DUOX2: variants seen among roughly 807,000 people sequenced by gnomAD.
DUOX2 encodes the protein NADH/NADPH thyroid oxidase p138-tox.
A neutral mutation model predicts 183.3 loss-of-function variants in DUOX2; 185 were observed. That is an observed-to-expected ratio of 1.01 (90% CI 0.90 to 1.14). The LOEUF is 1.14. Ranked by LOEUF, DUOX2 falls within the 50% of genes most tolerant of loss-of-function variation. DUOX2 has a pLI of 0.00. For missense variants in DUOX2, 1,999 were observed against 2,022.9 expected, an observed-to-expected ratio of 0.99 and a Z score of 0.23; for synonymous variants, 788 against 812.4, an observed-to-expected ratio of 0.97 and a Z score of 0.51.
At chr15:45,095,667 G>T in intron 30 of DUOX2, 72 bp from the exon 31 acceptor site, 3 of 1,605,152 alleles carry the variant, frequency 1.9e-6, no homozygotes, top group Non-Finnish European at 2.6e-6. Flanking sequence ...GGAGACACAG[G>T]CAGAGGGAGG....
intron 3 of DUOX2, 37 bp downstream of exon 3, chr15:45,112,950 G>A (rs1331505680): frequency 6.2e-7 from 1 of 1,607,766 alleles, no homozygotes; most frequent in African/African-American, 1.3e-5. Flanking sequence ...CCCTTCGCGA[G>A]CCACGGCCCC....
chr15:45,105,945 G>T (rs1894200894), intron 17 of DUOX2, 117 bp from the exon 18 acceptor site: 3 of 1,457,182 alleles, frequency 2.1e-6, no homozygotes, highest in East Asian at 2.4e-5. Context: ...ATCCATCCAG[G>T]CTGGGGCCAG....
chr15:45,112,263 C>G lies in DUOX2; in HGVS notation c.325+291G>C, dbSNP rs547424213. Among the ~76,000 whole-genome samples, 3 of 152,268 alleles carry G rather than the reference C, an allele frequency of 2.0e-5. No individual in the cohort carries two copies. In the East Asian group the frequency reaches 5.8e-4, roughly 29 times the overall value. ...GGGAGGTAAAATGGTTACAAACACA[C>G]GGTGAGGAGAGCGGTGGCTGGGGAG... is the stretch of plus-strand genomic sequence containing the variant. On this transcript the variant is annotated intron_variant, in intron 4 of 33. Transcript: ENST00000389039.
Position 45,106,922 on chromosome 15 carries a change from G to A in DUOX2, c.1741C>T (p.Gln581Ter), listed in dbSNP as rs778921174. The part of the protein sequence containing the change: ...PKQLTTDGLP[Q>*]CAPLTVLDFF... The stretch of plus-strand genomic sequence containing the variant: ...TCAAGCACAGTCAGGGGTGCACACT[G>A]GGGCAGGCCGTCAGTTGTGAGCTGC... The change falls in exon 15 of 34, where the codon CAG becomes TAG. Residue 581 changes from glutamine (Q) to a stop codon, truncating the protein, a stop_gained. Coordinates refer to ENST00000389039, the MANE Select transcript of DUOX2 (RefSeq NM_001363711.2). LOFTEE classifies it high-confidence loss of function. 2.2e-5 allele frequency: 35 copies of A among 1,580,986 alleles called. No homozygotes were observed. The highest frequency in any genetic ancestry group is 2.9e-5 in the Non-Finnish European group (34 of 1,163,984).
intron 30 of DUOX2, 82 bp downstream of exon 30, chr15:45,095,746 G>C: frequency 6.5e-7 from 1 of 1,544,100 alleles, no homozygotes; most frequent in Admixed American, 1.8e-5. Context: ...GACGGCTGGA[G>C]CTTCTAGTCT....
Position 45,095,851 on chromosome 15 carries a change from T to A in DUOX2, c.4057A>T (p.Asn1353Tyr), listed in dbSNP as rs913749110. The change falls in exon 30 of 34, where the codon AAT becomes TAT. Residue 1353 changes from asparagine (N) to tyrosine (Y), a missense_variant. Coordinates refer to ENST00000389039, the MANE Select transcript of DUOX2 (RefSeq NM_001363711.2). ...LREIYSSPKG[N>Y]GCAGYPKLYL... ...ACCTTTGGGTATCCAGCACAGCCAT[T>A]GCCCTTTGGGGATGAGTAGATCTCC... is the stretch of plus-strand genomic sequence containing the variant. 1 of 1,614,098 alleles carries A rather than the reference T, an allele frequency of 6.2e-7. No individual in the cohort carries two copies. Among genetic ancestry groups the A allele is most frequent in the Non-Finnish European group, 8.5e-7 (1 of 1,180,032 alleles).
chr15:45,100,752 C>T lies in DUOX2; in HGVS notation c.3005+3G>A. 1.9e-6 allele frequency: 3 copies of T among 1,613,988 alleles called. No individual in the cohort carries two copies. Among genetic ancestry groups the T allele is most frequent in the Non-Finnish European group, 2.5e-6 (3 of 1,179,860 alleles). On this transcript the variant is annotated splice_donor_region_variant and intron_variant, in intron 23 of 33. Transcript: ENST00000389039. The stretch of plus-strand genomic sequence containing the variant: ...TGGGCCCAGGGATTTGGGAGACACT[C>T]ACTTTTTGCCAAACCTCTTCTTCAG...
chr15:45,103,763 A>G (rs1430194363), intron 20 of DUOX2, among the ~76,000 whole-genome samples, 197 bp downstream of exon 20: 1 of 151,972 alleles, frequency 6.6e-6, no homozygotes, highest in Non-Finnish European at 1.5e-5. Flanking sequence ...CAGTCCAGAC[A>G]GAGACTCTCC....
In DUOX2 at chr15:45,105,747, G is replaced by A. The variant is rs764697779; in HGVS notation, c.2230C>T (p.Leu744Phe). The change falls in exon 18 of 34, where the codon CTC becomes TTC. Residue 744 changes from leucine to phenylalanine, a missense_variant. Physicochemically the swap from Leu to Phe is conservative, Grantham distance 22. Around this residue, in one of 3 missense-constraint regions of DUOX2, gnomAD observed 1,628 missense variants for 1,608.6 expected, o/e 1.01. Transcript: ENST00000389039. ...WDFCVRWALG[L>F]HVAEMSEKEL... Reference sequence around the variant, plus strand: ...TTCTCGCTCATCTCAGCCACATGGAGGCCCAGAGCCCAGCGCACGCAGAAG... The same window carrying A: ...TTCTCGCTCATCTCAGCCACATGGAAGCCCAGAGCCCAGCGCACGCAGAAG... The A allele has an allele frequency of 2.6e-5, 42 of 1,614,098 alleles. No individual in the cohort carries two copies. Among genetic ancestry groups the A allele is most frequent in the Admixed American group, 1.0e-4 (6 of 60,006 alleles).
Position 45,106,514 on chromosome 15 carries a change from C to G in DUOX2, c.1945+14G>C. 6.2e-7 allele frequency: 1 copy of G among 1,613,520 alleles called. No homozygotes were observed. Among genetic ancestry groups the G allele is most frequent in the Non-Finnish European group, 8.5e-7 (1 of 1,179,526 alleles). ...CTCCGTCCCTCCTCCCTCCTCTGCCCAGCCCCTGCTCACCTGGCACTCCAT... is the reference window on the plus strand; with the variant it reads ...CTCCGTCCCTCCTCCCTCCTCTGCCGAGCCCCTGCTCACCTGGCACTCCAT... On this transcript the variant is annotated intron_variant, in intron 16 of 33. Transcript: ENST00000389039.
Position 45,103,409 on chromosome 15 carries a change from C to T in DUOX2, c.2654+551G>A, listed in dbSNP as rs151160891. On this transcript the variant is annotated intron_variant, in intron 20 of 33. Coordinates refer to ENST00000389039, the MANE Select transcript of DUOX2 (RefSeq NM_001363711.2). ...GCATGGAGGGGAGCTGTGTTACTGA[C>T]GCATTCATTGTCTTCAGGAATGAGA... Among the ~76,000 whole-genome samples the T allele has an allele frequency of 5.5e-3, 844 of 152,282 alleles. 14 individuals are homozygous for T. Among genetic ancestry groups the T allele is most frequent in the African/African-American group, 0.019 (805 of 41,544 alleles).
Position 45,111,903 on chromosome 15 carries a change from G to T in DUOX2, c.378C>A (p.Ala126=). The part of the protein sequence containing the change: ...VVSVETPGCP[A]EFLNIRIPPG... ...GTGGGATGCGGATGTTGAGGAACTC[G>T]GCGGGGCAACCGGGCGTTTCCACGC... The change falls in exon 5 of 34, where the codon GCC becomes GCA. Residue 126 remains alanine, a synonymous_variant. Coordinates refer to ENST00000389039, the MANE Select transcript of DUOX2 (RefSeq NM_001363711.2). The T allele has an allele frequency of 6.2e-7, 1 of 1,613,850 alleles. No homozygotes were observed. The highest frequency in any genetic ancestry group is 8.5e-7 in the Non-Finnish European group (1 of 1,179,994).
chr15:45,102,311 T>G (rs1249686207), intron 20 of DUOX2, among the ~76,000 whole-genome samples: 1 of 152,226 alleles, frequency 6.6e-6, no homozygotes, highest in African/African-American at 2.4e-5. Context: ...GCAGGCTCTC[T>G]GTCCACTCTC....
At chr15:45,107,896 G>GAAAAA in intron 13 of DUOX2, 151 bp downstream of exon 13, 1 of 612,510 alleles carries the variant, frequency 1.6e-6, no homozygotes, top group Non-Finnish European at 2.8e-6. Context: ...AAAAAGAGAA[G>GAAAAA]AGAAGAAAAA....
At position 45,100,072 on chromosome 15, in the gene DUOX2, G is replaced by A. The variant is rs372592162; in HGVS notation, c.3162C>T (p.Gly1054=). 28 of 1,614,184 alleles carry A rather than the reference G, an allele frequency of 1.7e-5. No individual in the cohort carries two copies. The highest frequency in any genetic ancestry group is 1.1e-4 in the South Asian group (10 of 91,080). ...TACAGTAAGCACGATCTGCAAACACGCCAACACAGATGGCCGAGAAGATTG... is the reference window on the plus strand; with the variant it reads ...TACAGTAAGCACGATCTGCAAACACACCAACACAGATGGCCGAGAAGATTG... The part of the protein sequence containing the change: ...CVAIFSAICV[G]VFADRAYYYG... The change falls in exon 24 of 34, where the codon GGC becomes GGT. Residue 1054 remains glycine (G), a synonymous_variant. Coordinates refer to ENST00000389039, the MANE Select transcript of DUOX2 (RefSeq NM_001363711.2).
intron 3 of DUOX2, 129 bp from the exon 4 acceptor site, chr15:45,112,847 C>T (rs900772595): frequency 4.9e-5 from 76 of 1,551,024 alleles, no homozygotes; most frequent in Non-Finnish European, 6.4e-5. Context: ...GTCTCTTGGC[C>T]CCGGGAGCGC....
At position 45,111,581 on chromosome 15, in the gene DUOX2, T is replaced by C. The variant is rs761910530; in HGVS notation, c.518A>G (p.Asn173Ser). 5.4e-5 allele frequency: 83 copies of C among 1,540,304 alleles called. No individual in the cohort carries two copies. The highest frequency in any genetic ancestry group is 1.9e-5 in the Non-Finnish European group (22 of 1,147,914). The change falls in exon 6 of 34, where the codon AAC becomes AGC. Residue 173 changes from asparagine (N) to serine (S), a missense_variant. Physicochemically the swap from Asn to Ser is conservative, Grantham distance 46. This residue lies in a region of DUOX2 where 356 missense variants were observed against 356.4 expected (regional missense o/e 1.00). Coordinates refer to ENST00000389039, the MANE Select transcript of DUOX2 (RefSeq NM_001363711.2). ...GCCGTCCAGCCAGCCCGTCACCTGG[T>C]TGGCCTGCGGGGCACGCGGCGGGTG... ...RSPSNPRDLA[N>S]QVTGWLDGSA...
At chr15:45,097,521 A>C (rs1893937746) in intron 28 of DUOX2, 93 bp downstream of exon 28, 1 of 1,612,510 alleles carries the variant, frequency 6.2e-7, no homozygotes, top group Non-Finnish European at 8.5e-7. Context: ...TCAAAGTCTC[A>C]TTCTGAGATC....
chr15:45,101,612 G>T (rs1894082302), intron 21 of DUOX2, 181 bp downstream of exon 21: 2 of 725,500 alleles, frequency 2.8e-6, no homozygotes, highest in African/African-American at 1.8e-5. Flanking sequence ...GACCTCAGTG[G>T]GTATCATTGT....
Sources: gnomAD v4.1 joint callset for allele counts (sites outside exome capture counted in the v4.1 genomes callset) on GRCh38, gnomAD v4.1.1 for gene constraint, gnomAD v4.1.1 regional missense constraint, MANE v1.5 for transcripts, NCBI Gene and HGNC (gene_info 2026-07-23, HGNC 2026-07-21) for gene names.